VIM: variants seen among roughly 807,000 people sequenced by gnomAD.
VIM encodes the protein epididymis secretory sperm binding protein.
Under a neutral mutation model 50.3 loss-of-function variants are expected in VIM, and 18 were observed. The observed-to-expected ratio is 0.36, with a 90% CI of 0.25 to 0.53. The LOEUF is 0.53. Among genes scored for constraint, VIM ranks in the 20% least tolerant of loss-of-function variants. The pLI, the probability that VIM is intolerant of heterozygous loss-of-function variation, is 0.91. For synonymous variants in VIM, 245 were observed against 248.5 expected (o/e 0.99, Z 0.13); for missense variants, 551 against 614.7 (o/e 0.90, Z 1.10).
rs1846881536 is a variant in VIM, at chr10:17,235,978, G to GA, written c.1273+95dup. ...AGCATTCATTTTTTTTAGGATATCT[G>GA]AAAAAATGCCATATAAGAGAAAACT... On this transcript the variant is annotated intron_variant, in intron 8 of 9. Transcript: ENST00000544301. 9 of 1,377,596 alleles carry GA rather than the reference G, an allele frequency of 6.5e-6. No homozygotes were observed. The East Asian group carries it at 1.6e-4, about 25-fold the overall frequency. 85.3% of individuals were successfully genotyped at this position (1,377,596 alleles called of 1,614,324 possible). A position where few individuals can be genotyped will look rare whatever the true frequency, so the allele number is the denominator to read the frequency against.
chr10:17,234,744 G>A lies in VIM; in HGVS notation c.934G>A (p.Ala312Thr). 6.2e-7 allele frequency: 1 copy of A among 1,614,124 alleles called. No homozygotes were observed. ...CCGGAACAATGACGCCCTGCGCCAG[G>A]CAAAGCAGGAGTCCACTGAGTACCG... Reference protein sequence around the residue: ...ANRNNDALRQAKQESTEYRRQ... With the variant: ...ANRNNDALRQTKQESTEYRRQ... Residue 312 changes from alanine (A) to threonine (T), a missense_variant, in exon 6 of 10, where the codon GCA becomes ACA. This residue lies in a region of VIM where 394 missense variants were observed against 437.5 expected (regional missense o/e 0.90). Coordinates refer to ENST00000544301, the MANE Select transcript of VIM (RefSeq NM_003380.5).
intron 5 of VIM, 46 bp downstream of exon 5, chr10:17,233,977 TTC>T (rs1288187339): frequency 6.3e-7 from 1 of 1,576,360 alleles, no homozygotes; most frequent in Admixed American, 1.9e-5. Flanking sequence ...AAGCATTGTG[TTC>T]TCAAAACCCC....
chr10:17,230,436 G>T lies in VIM; in HGVS notation c.564-214G>T, dbSNP rs892845139. The T allele has an allele frequency of 4.5e-6, 3 of 666,226 alleles. No homozygotes were observed. The African/African-American group carries it at 5.3e-5, about 12-fold the overall frequency. The allele number at this position is 666,226 out of a possible 1,614,324, so 41.3% of individuals were successfully genotyped here. On this transcript the variant is annotated intron_variant, in intron 2 of 9. Transcript: ENST00000544301. ...GCGGGGATGGCGGGGCTGTCCTGTA[G>T]GTCTGTGCGGCCACCGTGATTGCCC...
chr10:17,235,573 T>G, intron 7 of VIM, 184 bp downstream of exon 7: 1 of 757,938 alleles, frequency 1.3e-6, no homozygotes, highest in Non-Finnish European at 2.2e-6. Context: ...AAAGGGTTAA[T>G]CAACAGCAGA....
At position 17,228,474 on chromosome 10, in the gene VIM, G is replaced by T. The variant is rs912082460; in HGVS notation, c.-198G>T. 6.6e-6 allele frequency: 1 copy of T among 152,282 alleles called. No homozygotes were observed. The highest frequency in any genetic ancestry group is 1.5e-5 in the Non-Finnish European group (1 of 68,102). 9.4% of individuals were successfully genotyped at this position (152,282 alleles called of 1,614,324 possible). A position where few individuals can be genotyped will look rare whatever the true frequency, so the allele number is the denominator to read the frequency against. On this transcript the variant is annotated 5_prime_UTR_variant, in exon 1 of 10. Transcript: ENST00000544301. ...GAGACTTGAATCAATCTGGTCTAACGGTTTCCCCTAAACCGCTAGGAGCCC... is the reference window on the plus strand; with the variant it reads ...GAGACTTGAATCAATCTGGTCTAACTGTTTCCCCTAAACCGCTAGGAGCCC...
At chr10:17,232,242 C>G (rs2131681526) in intron 3 of VIM, among the ~76,000 whole-genome samples, 1 of 152,306 alleles carries the variant, frequency 6.6e-6, no homozygotes, top group African/African-American at 2.4e-5. Flanking sequence ...TTTTGTCACC[C>G]ACTCTTCATT....
At chr10:17,236,173 G>T in intron 8 of VIM, 121 bp from the exon 9 acceptor site, 2 of 881,846 alleles carry the variant, frequency 2.3e-6, no homozygotes, top group Non-Finnish European at 3.8e-6. Context: ...ATTATTTGGC[G>T]AGTAGTACTT....
At chr10:17,230,561 G>C in intron 2 of VIM, 89 bp from the exon 3 acceptor site, 1 of 1,400,036 alleles carries the variant, frequency 7.1e-7, no homozygotes, top group Non-Finnish European at 1.0e-6. Context: ...TGCTCTGGAG[G>C]CGCAGAGCGA....
chr10:17,235,950 C>A, intron 8 of VIM, 61 bp downstream of exon 8: 2 of 1,508,336 alleles, frequency 1.3e-6, no homozygotes, highest in South Asian at 2.3e-5. Flanking sequence ...GTGTTTATGT[C>A]AAAGCATTCA....
rs548448794 is a variant in VIM, at chr10:17,234,592, C to G, written c.883-101C>G. On this transcript the variant is annotated intron_variant, in intron 5 of 9. Transcript: ENST00000544301. ...TGGCTTTCAAAACAGAAATTTAAAC[C>G]TATACTGGAAGACATTCAGTGAGAA... The G allele has an allele frequency of 6.6e-5, 103 of 1,558,822 alleles. No individual in the cohort carries two copies. In the South Asian group the frequency reaches 1.1e-3, roughly 17 times the overall value.
Position 17,235,294 on chromosome 10 carries a change from T to G in VIM, c.1134T>G (p.Arg378=). The change falls in exon 7 of 10, where the codon CGT becomes CGG. Residue 378 remains arginine (R), a synonymous_variant. Transcript: ENST00000544301. ...AGAATATGAAGGAGGAAATGGCTCG[T>G]CACCTTCGTGAATACCAAGACCTGC... The part of the protein sequence containing the change: ...EIQNMKEEMA[R]HLREYQDLLN... 1 of 1,614,190 alleles carries G rather than the reference T, an allele frequency of 6.2e-7. No homozygotes were observed. Among genetic ancestry groups the G allele is most frequent in the East Asian group, 2.2e-5 (1 of 44,880 alleles).
rs938955249 is a variant in VIM at position 17,230,386 on chromosome 10, G to C, written c.564-264G>C. The C allele has an allele frequency of 8.6e-6, 5 of 579,872 alleles. No homozygotes were observed. In the East Asian group the frequency reaches 8.7e-5, roughly 10 times the overall value. 35.9% of individuals were successfully genotyped at this position (579,872 alleles called of 1,614,324 possible). A position where few individuals can be genotyped will look rare whatever the true frequency, so the allele number is the denominator to read the frequency against. On this transcript the variant is annotated intron_variant, in intron 2 of 9. Coordinates refer to ENST00000544301, the MANE Select transcript of VIM (RefSeq NM_003380.5). ...AGGAGGGGAAGGCGGTGGAGGGAGC[G>C]AGACAAAGGGATGGTCCCTCGGGGG...
At chr10:17,231,526 TATGTAATGATGTAAGCACG>T (rs981155055) in intron 3 of VIM, among the ~76,000 whole-genome samples, 1 of 152,220 alleles carries the variant, frequency 6.6e-6, no homozygotes, top group Non-Finnish European at 1.5e-5. Flanking sequence ...TCTTACTGAA[TATGTAATGATGTAAGCACG>T]GTTCTAATTG....
At chr10:17,236,060 G>T in intron 8 of VIM, 171 bp downstream of exon 8, 1 of 763,942 alleles carries the variant, frequency 1.3e-6, no homozygotes, top group South Asian at 1.6e-5. Flanking sequence ...TATGCTTTAA[G>T]TTAAATGCAA....
rs147133187 is a variant in VIM, at chr10:17,233,887, G to T, written c.838G>T (p.Ala280Ser). ...CGTACGTCAGCAATATGAAAGTGTG[G>T]CTGCCAAGAACCTGCAGGAGGCAGA... ...RDVRQQYESVAAKNLQEAEEW... is the reference protein window; with the variant it reads ...RDVRQQYESVSAKNLQEAEEW... The change falls in exon 5 of 10, where the codon GCT becomes TCT. Residue 280 changes from alanine to serine, a missense_variant. Coordinates refer to ENST00000544301, the MANE Select transcript of VIM (RefSeq NM_003380.5). The T allele has an allele frequency of 1.2e-4, 195 of 1,614,028 alleles. No homozygotes were observed. The highest frequency in any genetic ancestry group is 1.5e-4 in the Non-Finnish European group (177 of 1,180,014).
At chr10:17,233,985 A>G (rs1846843053) in intron 5 of VIM, 54 bp downstream of exon 5, 3 of 1,566,056 alleles carry the variant, frequency 1.9e-6, no homozygotes, top group Admixed American at 3.8e-5. Context: ...TGTTCTCAAA[A>G]CCCCATACCT....
chr10:17,229,565 C>T lies in VIM; in HGVS notation c.143C>T (p.Thr48Ile), dbSNP rs745851443. The T allele has an allele frequency of 1.2e-6, 2 of 1,608,746 alleles. No homozygotes were observed. The highest frequency in any genetic ancestry group is 2.7e-5 in the African/African-American group (2 of 74,948). ...CTGGGCAGCGCGCTGCGCCCCAGCA[C>T]CAGCCGCAGCCTCTACGCCTCGTCC... Reference protein sequence around the residue: ...YSLGSALRPSTSRSLYASSPG... With the variant: ...YSLGSALRPSISRSLYASSPG... Residue 48 changes from threonine to isoleucine, a missense_variant, in exon 2 of 10, where the codon ACC (threonine) becomes ATC (isoleucine). This residue lies in a region of VIM where 134 missense variants were observed against 126.4 expected (regional missense o/e 1.06). Transcript: ENST00000544301.
chr10:17,234,644 C>A (rs781000777), intron 5 of VIM, 49 bp from the exon 6 acceptor site: 23 of 1,610,602 alleles, frequency 1.4e-5, no homozygotes, highest in Non-Finnish European at 1.9e-5. Flanking sequence ...CTAAGAGAGT[C>A]AAAAGACTTG....
intron 7 of VIM, 131 bp downstream of exon 7, chr10:17,235,520 A>G (rs757291270): frequency 3.0e-6 from 3 of 1,003,460 alleles, no homozygotes; most frequent in Non-Finnish European, 4.5e-6. Flanking sequence ...CACTTTTTGT[A>G]GAGGAGGAAT....
Sources: allele counts gnomAD v4.1 joint callset (sites outside exome capture counted in the v4.1 genomes callset), GRCh38; gene constraint gnomAD v4.1.1; regional missense constraint gnomAD v4.1.1; transcripts MANE v1.5; gene names NCBI Gene and HGNC (gene_info 2026-07-23, HGNC 2026-07-21).